The following HSPG2 variants were observed in gnomAD, a reference collection of about 807,000 sequenced individuals.
HSPG2 encodes basement membrane-specific heparan sulfate proteoglycan core protein.
Under a neutral mutation model 526.6 loss-of-function variants are expected in HSPG2, and 278 were observed. The ratio of observed to expected loss-of-function variants is 0.53; its 90% CI spans 0.48 to 0.58. HSPG2 has a LOEUF of 0.58. HSPG2 is among the 20% of genes least tolerant of loss of function. The pLI is 0.00. For missense variants in HSPG2, 5,354 were observed against 6,099.5 expected (o/e 0.88, Z 4.07); for synonymous variants, 2,465 against 2,555.4 (o/e 0.96, Z 1.07).
intron 3 of HSPG2, among the ~76,000 whole-genome samples, chr1:21,892,478 T>C (rs1642437531): frequency 6.6e-6 from 1 of 152,228 alleles, no homozygotes; most frequent in African/African-American, 2.4e-5. Context: ...CCCCGCTTCG[T>C]TCTTCGAGAC....
Position 21,893,130 on chromosome 1 carries a change from C to T in HSPG2, c.245-2436G>A, listed in dbSNP as rs1642485908. On this transcript the variant is annotated intron_variant, in intron 3 of 96. Transcript: ENST00000374695. This position sits in a 1 kb window ranked among gnomAD's most constrained non-coding sequence, Gnocchi z 4.3. Reference sequence around the variant, plus strand: ...AGGCTACTCACCAACTCCTGATTCCCATCCCTGCTCAACAGAACTCTCTGC... The same window carrying T: ...AGGCTACTCACCAACTCCTGATTCCTATCCCTGCTCAACAGAACTCTCTGC... 2.0e-5 allele frequency among the ~76,000 whole-genome samples: 3 copies of T among 152,212 alleles called. No individual in the cohort carries two copies. Among genetic ancestry groups the T allele is most frequent in the Admixed American group, 6.5e-5 (1 of 15,286 alleles).
chr1:21,838,791 TG>T, intron 74 of HSPG2, 33 bp downstream of exon 74: 1 of 1,605,018 alleles, frequency 6.2e-7, no homozygotes, highest in Non-Finnish European at 8.5e-7. Flanking sequence ...GGAGGAAAGG[TG>T]ATCCCCTTCC....
Position 21,904,339 on chromosome 1 carries a change from C to T in HSPG2, c.64-8029G>A, listed in dbSNP as rs1023485002. Among the ~76,000 whole-genome samples, 21 of 152,098 alleles carry T rather than the reference C, an allele frequency of 1.4e-4. No individual in the cohort carries two copies. The highest frequency in any genetic ancestry group is 4.6e-4 in the Admixed American group (7 of 15,276). ...CGGACCAGGTGGAGGGAAGGGCACA[C>T]GCTGAGGCCAGGGCTGGAGAGGGCA... is the stretch of plus-strand genomic sequence containing the variant. On this transcript the variant is annotated intron_variant, in intron 1 of 96. Transcript: ENST00000374695. The surrounding 1 kb of genome is among the most constrained non-coding windows in gnomAD (Gnocchi z 4.4).
intron 1 of HSPG2, among the ~76,000 whole-genome samples, chr1:21,918,690 G>A (rs1287128733): frequency 6.6e-6 from 1 of 152,160 alleles, no homozygotes; most frequent in Non-Finnish European, 1.5e-5. Flanking sequence ...TGCAACTCAA[G>A]TGCTCAGTAT....
Position 21,831,446 on chromosome 1 carries a change from G to C in HSPG2, c.11452+17C>G. ...AGGTAAGGCCCAGCCTCAGCTGGAG[G>C]TGGGGAGGGGGCTCACCTATGAAGC... is the stretch of plus-strand genomic sequence containing the variant. On this transcript the variant is annotated intron_variant, in intron 83 of 96. Transcript: ENST00000374695. The C allele has an allele frequency of 6.2e-7, 1 of 1,612,316 alleles. No homozygotes were observed. Among genetic ancestry groups the C allele is most frequent in the Non-Finnish European group, 8.5e-7 (1 of 1,178,506 alleles).
chr1:21,892,468 C>T (rs990459173), intron 3 of HSPG2, among the ~76,000 whole-genome samples: 4 of 152,268 alleles, frequency 2.6e-5, no homozygotes, highest in South Asian at 4.1e-4. Context: ...CCTGACCCCA[C>T]CCCGCTTCGT....
At position 21,850,192 on chromosome 1, in the gene HSPG2, G is replaced by A; in HGVS notation, c.7295C>T (p.Ala2432Val). The stretch of plus-strand genomic sequence containing the variant: ...CCGGACCGTGGGGGTGACCCCAAGT[G>A]CTGGGGACAGAGGGCAAAGGGTCAA... ...VTIEPAGSVP[A>V]LGVTPTVRIE... The change falls in exon 57 of 97, where the codon GCA becomes GTA. Residue 2432 changes from alanine (A) to valine (V), a missense_variant and splice_region_variant. By Grantham distance (64) the Ala-to-Val change is moderately conservative. Transcript: ENST00000374695. 1 of 1,613,344 alleles carries A rather than the reference G, an allele frequency of 6.2e-7. No homozygotes were observed. Among genetic ancestry groups the A allele is most frequent in the Non-Finnish European group, 8.5e-7 (1 of 1,180,040 alleles).
chr1:21,902,758 A>G (rs769434372), intron 1 of HSPG2, among the ~76,000 whole-genome samples: 2 of 152,232 alleles, frequency 1.3e-5, no homozygotes, highest in Non-Finnish European at 2.9e-5. Flanking sequence ...CAGGGCCTTC[A>G]GCGGAGGCCC....
chr1:21,860,997 T>G (rs1274362998), intron 39 of HSPG2, among the ~76,000 whole-genome samples: 1 of 152,228 alleles, frequency 6.6e-6, no homozygotes, highest in African/African-American at 2.4e-5. Flanking sequence ...CCAGGGAGGC[T>G]TCCAAGAGGA....
chr1:21,935,985 A>C (rs897373182), intron 1 of HSPG2, among the ~76,000 whole-genome samples: 1 of 152,044 alleles, frequency 6.6e-6, no homozygotes, highest in South Asian at 2.1e-4. Flanking sequence ...AGGAGGGTAG[A>C]GGTGCGATGA....
rs141199256 is a variant in HSPG2 at position 21,880,402 on chromosome 1, G to C, written c.2156C>G (p.Ala719Gly). The C allele has an allele frequency of 6.8e-6, 11 of 1,614,004 alleles. No homozygotes were observed. The highest frequency in any genetic ancestry group is 7.6e-6 in the Non-Finnish European group (9 of 1,180,038). Residue 719 changes from alanine to glycine, a missense_variant, in exon 16 of 97, where the codon GCC becomes GGC. Ala to Gly is a moderately conservative substitution (Grantham distance 60). Coordinates refer to ENST00000374695, the MANE Select transcript of HSPG2 (RefSeq NM_005529.7). ...ACTGTGGGCACGGCCATGGCTGGTG[G>C]CATGGGTGACGGTGGTATCCATGGC... is the stretch of plus-strand genomic sequence containing the variant. ...DIAMDTTVTH[A>G]TSHGRAHSVE...
At chr1:21,880,857 G>A in intron 14 of HSPG2, 22 bp from the exon 15 acceptor site, 2 of 1,576,124 alleles carry the variant, frequency 1.3e-6, no homozygotes, top group Non-Finnish European at 1.7e-6. Context: ...GGGTGGATCA[G>A]CACGGGCAGC....
chr1:21,837,717 G>A (rs989926254), intron 74 of HSPG2, among the ~76,000 whole-genome samples: 1 of 152,306 alleles, frequency 6.6e-6, no homozygotes, highest in South Asian at 2.1e-4. Flanking sequence ...GGGGGCTGAT[G>A]CATACTGTCC....
At chr1:21,922,570 A>G (rs1644069531) in intron 1 of HSPG2, among the ~76,000 whole-genome samples, 1 of 152,150 alleles carries the variant, frequency 6.6e-6, no homozygotes. Context: ...AGTATGAAGT[A>G]AAGGTGGCCC....
At chr1:21,875,817 C>T (rs1230634840) in intron 24 of HSPG2, 46 bp downstream of exon 24, 2 of 1,610,002 alleles carry the variant, frequency 1.2e-6, no homozygotes, top group Non-Finnish European at 1.7e-6. Context: ...GAGGCAGGAG[C>T]AAGGGCCTGC....
chr1:21,845,668 C>G (rs1163996682), intron 64 of HSPG2, among the ~76,000 whole-genome samples: 1 of 152,146 alleles, frequency 6.6e-6, no homozygotes, highest in Admixed American at 6.6e-5. Context: ...TGGGAGCTAC[C>G]ACACCGGCTC....
In HSPG2 at chr1:21,828,382, T is replaced by C. The variant is rs771807555; in HGVS notation, c.12282A>G (p.Leu4094=). Residue 4094 remains leucine, a synonymous_variant, in exon 89 of 97, where the codon CTA becomes CTG. Coordinates refer to ENST00000374695, the MANE Select transcript of HSPG2 (RefSeq NM_005529.7). The surrounding 1 kb of genome is among the most constrained non-coding windows in gnomAD (Gnocchi z 6.0). ...AGCATTGCCCGATGCCCTGGCTGCC[T>C]AGGAAACTGTAGGTGAGGTCCAGCC... ...GKRLDLTYSF[L]GSQGIGQCYD... is the part of the protein sequence containing the mutation. The C allele has an allele frequency of 3.7e-6, 6 of 1,613,586 alleles. No individual in the cohort carries two copies. Among genetic ancestry groups the C allele is most frequent in the South Asian group, 1.1e-5 (1 of 91,088 alleles).
rs763870730 is a variant in HSPG2, at chr1:21,834,960, G to C, written c.10454-15C>G. ...CGAGGGCAGGGCTGGGGAGGAGGGA[G>C]GCAGAGGTCCAGTGAGATCAGTCAC... On this transcript the variant is annotated splice_polypyrimidine_tract_variant and intron_variant, in intron 76 of 96. Coordinates refer to ENST00000374695, the MANE Select transcript of HSPG2 (RefSeq NM_005529.7). The C allele has an allele frequency of 1.2e-6, 2 of 1,609,558 alleles. No homozygotes were observed. The highest frequency in any genetic ancestry group is 2.2e-5 in the South Asian group (2 of 91,068).
intron 90 of HSPG2, 50 bp from the exon 91 acceptor site, chr1:21,827,969 C>A: frequency 1.2e-6 from 2 of 1,611,074 alleles, no homozygotes; most frequent in South Asian, 2.2e-5. Flanking sequence ...CCCGTGGGTA[C>A]TATGTCGAGC....
Sources: allele counts gnomAD v4.1 joint callset (sites outside exome capture counted in the v4.1 genomes callset), GRCh38; gene constraint gnomAD v4.1.1; non-coding constraint Gnocchi (gnomAD v3.1); transcripts MANE v1.5; gene names NCBI Gene and HGNC (gene_info 2026-07-23, HGNC 2026-07-21).